The following TSHZ2 variants were observed in gnomAD, a reference collection of about 807,000 sequenced individuals.
TSHZ2 encodes teashirt zinc finger homeobox 2, also known as teashirt homolog 2.
A neutral mutation model predicts 74.4 loss-of-function variants in TSHZ2; 21 were observed. The ratio of observed to expected loss-of-function variants is 0.28; its 90% confidence interval spans 0.20 to 0.41. The LOEUF is 0.41. TSHZ2 is among the 10% of genes least tolerant of loss of function. The pLI, the probability that TSHZ2 is intolerant of heterozygous loss-of-function variation, is 1.00. For missense variants in TSHZ2, 1,244 were observed against 1,293.5 expected (o/e 0.96, Z 0.59); for synonymous variants, 540 against 515.3 (o/e 1.05, Z -0.65).
chr20:53,251,625 A>G (rs1364613888), intron 1 of TSHZ2, among the ~76,000 whole-genome samples: 4 of 152,154 alleles, frequency 2.6e-5, no homozygotes, highest in African/African-American at 9.7e-5. Flanking sequence ...CCACCTGTCA[A>G]TTTGCTAGGA....
intron 1 of TSHZ2, among the ~76,000 whole-genome samples, chr20:53,050,981 A>G (rs1600666344): frequency 6.6e-6 from 1 of 152,234 alleles, no homozygotes; most frequent in East Asian, 1.9e-4. Context: ...AGATTAATAC[A>G]CATTGCAGAT....
chr20:53,359,039 A>G (rs1347665005), intron 2 of TSHZ2, among the ~76,000 whole-genome samples: 1 of 152,190 alleles, frequency 6.6e-6, no homozygotes, highest in East Asian at 1.9e-4. Context: ...TCTGCTTGAA[A>G]ACATTCCCAT....
chr20:53,287,845 A>G (rs1033399670), intron 2 of TSHZ2, among the ~76,000 whole-genome samples: 6 of 152,196 alleles, frequency 3.9e-5, no homozygotes, highest in Admixed American at 3.3e-4. Context: ...AAAACTTTTA[A>G]TGACTCAGCT....
intron 1 of TSHZ2, among the ~76,000 whole-genome samples, chr20:53,023,312 C>A (rs748258056): frequency 6.6e-6 from 1 of 152,148 alleles, no homozygotes; most frequent in Admixed American, 6.6e-5. Flanking sequence ...ATCTATAGAG[C>A]CTTTAACTCA....
intron 1 of TSHZ2, among the ~76,000 whole-genome samples, chr20:53,033,705 G>T (rs1396756355): frequency 1.7e-5 from 2 of 120,208 alleles, no homozygotes; most frequent in Non-Finnish European, 3.2e-5. Context: ...TGTCACCCAG[G>T]CTGGAGTGCA....
At chr20:53,058,938 CT>C (rs1384112413) in intron 1 of TSHZ2, among the ~76,000 whole-genome samples, 1 of 152,106 alleles carries the variant, frequency 6.6e-6, no homozygotes, top group African/African-American at 2.4e-5. Flanking sequence ...TATACAAAAC[CT>C]TTTGGTGGAC....
intron 2 of TSHZ2, among the ~76,000 whole-genome samples, chr20:53,369,512 G>T (rs1981390840): frequency 6.6e-6 from 1 of 151,962 alleles, no homozygotes; most frequent in Non-Finnish European, 1.5e-5. Flanking sequence ...TTCAAGACCA[G>T]CCGGGCCAGC....
chr20:53,185,539 G>T, intron 1 of TSHZ2: 2 of 1,432,248 alleles, frequency 1.4e-6, no homozygotes, highest in Non-Finnish European at 1.9e-6. Flanking sequence ...CCTTGAACTG[G>T]GACCCAGGAG....
At chr20:53,284,812 T>C (rs1246352043) in intron 2 of TSHZ2, among the ~76,000 whole-genome samples, 2 of 151,908 alleles carry the variant, frequency 1.3e-5, no homozygotes, top group East Asian at 3.9e-4. Context: ...ACTGTCTTCT[T>C]TCAGTAAAAC....
At chr20:53,319,739 C>T (rs1300827286) in intron 2 of TSHZ2, among the ~76,000 whole-genome samples, 1 of 152,196 alleles carries the variant, frequency 6.6e-6, no homozygotes, top group Non-Finnish European at 1.5e-5. Context: ...TCAGTTTAGT[C>T]ATCTAAAAAA....
At chr20:53,179,941 C>T (rs1988430760) in intron 1 of TSHZ2, among the ~76,000 whole-genome samples, 1 of 152,166 alleles carries the variant, frequency 6.6e-6, no homozygotes, top group African/African-American at 2.4e-5. Context: ...ACCCTAGCAA[C>T]TGTAAGATCA....
chr20:53,139,035 G>A (rs1987322317), intron 1 of TSHZ2, among the ~76,000 whole-genome samples: 1 of 152,230 alleles, frequency 6.6e-6, no homozygotes, highest in Admixed American at 6.5e-5. Flanking sequence ...TGCTAAGTGG[G>A]TCTGAGAAAG....
intron 1 of TSHZ2, among the ~76,000 whole-genome samples, chr20:53,111,179 G>A (rs554444470): frequency 6.6e-6 from 1 of 152,338 alleles, no homozygotes; most frequent in African/African-American, 2.4e-5. Flanking sequence ...AGGGTCAACT[G>A]AGCAAGGAAG....
At chr20:53,323,435 G>C (rs1282339655) in intron 2 of TSHZ2, among the ~76,000 whole-genome samples, 1 of 50,820 alleles carries the variant, frequency 2.0e-5, no homozygotes, top group Non-Finnish European at 4.6e-5. Flanking sequence ...GAATGATGTA[G>C]TTAAAGTTTA....
intron 1 of TSHZ2, among the ~76,000 whole-genome samples, chr20:53,040,307 A>G (rs1239755910): frequency 1.3e-5 from 2 of 152,154 alleles, no homozygotes; most frequent in African/African-American, 2.4e-5. Context: ...ATGTTGGTCA[A>G]TTTGGAGCCG....
rs1408577708 is a variant in TSHZ2 at position 53,492,138 on chromosome 20, T to A, written c.*5003T>A. On this transcript the variant is annotated 3_prime_UTR_variant, in exon 3 of 3. Coordinates refer to ENST00000371497, the MANE Select transcript of TSHZ2 (RefSeq NM_173485.6). ...AATAAATTTCAATGTGTTCAATGAATTGTCTTGAACCTGAAACCTGCATTT... is the reference window on the plus strand; with the variant it reads ...AATAAATTTCAATGTGTTCAATGAAATGTCTTGAACCTGAAACCTGCATTT... 6.6e-6 allele frequency: 1 copy of A among 151,554 alleles called. No individual in the cohort carries two copies. The highest frequency in any genetic ancestry group is 6.6e-5 in the Admixed American group (1 of 15,228). 9.4% of individuals were successfully genotyped at this position (151,554 alleles called of 1,614,324 possible).
chr20:53,123,901 G>A (rs1285045728), intron 1 of TSHZ2, among the ~76,000 whole-genome samples: 2 of 152,168 alleles, frequency 1.3e-5, no homozygotes, highest in Non-Finnish European at 2.9e-5. Context: ...TTTTTAAAAG[G>A]TGCTTATAAA....
chr20:53,367,118 G>A (rs1200549833), intron 2 of TSHZ2, among the ~76,000 whole-genome samples: 5 of 152,038 alleles, frequency 3.3e-5, no homozygotes, highest in Non-Finnish European at 5.9e-5. Flanking sequence ...ATTCTCAGCC[G>A]GGCGTGGTGA....
chr20:52,979,149 A>G (rs762224847), intron 1 of TSHZ2, among the ~76,000 whole-genome samples: 2 of 152,188 alleles, frequency 1.3e-5, no homozygotes, highest in Non-Finnish European at 2.9e-5. Context: ...ACATGCCTCT[A>G]ACATGTAACA....
Sources: allele counts gnomAD v4.1 joint callset (sites outside exome capture counted in the v4.1 genomes callset), GRCh38; gene constraint gnomAD v4.1.1; transcripts MANE v1.5; gene names NCBI Gene and HGNC (gene_info 2026-07-23, HGNC 2026-07-21).